STEAP4: variants seen among roughly 807,000 people sequenced by gnomAD.
STEAP4 encodes the protein metalloreductase STEAP4.
In STEAP4, 36 loss-of-function variants were observed where a neutral mutation model predicts 43.6. The ratio of observed to expected loss-of-function variants is 0.83; its 90% CI spans 0.63 to 1.09. STEAP4 has a LOEUF of 1.09. Among genes scored for constraint, STEAP4 ranks in the 50% least tolerant of loss-of-function variants. STEAP4 has a pLI of 0.00. For missense variants in STEAP4, 495 were observed against 546.5 expected (o/e 0.91, Z 0.94); for synonymous variants, 191 against 196.7 (o/e 0.97, Z 0.24).
chr7:88,299,366 T>C (rs1258030366), intron 1 of STEAP4, among the ~76,000 whole-genome samples: 2 of 152,230 alleles, frequency 1.3e-5, no homozygotes, highest in Non-Finnish European at 2.9e-5. Context: ...CCAGGACTCA[T>C]GACAACAAGG....
chr7:88,298,142 A>G (rs1472563637), intron 1 of STEAP4: 1 of 152,078 alleles, frequency 6.6e-6, no homozygotes, highest in Non-Finnish European at 1.5e-5. Flanking sequence ...TAAGTTGGGG[A>G]CAATCTGCCC....
chr7:88,296,157 G>A (rs920457244), intron 1 of STEAP4, among the ~76,000 whole-genome samples: 2 of 152,046 alleles, frequency 1.3e-5, no homozygotes, highest in African/African-American at 4.8e-5. Context: ...ACATCTACTC[G>A]GTACCCCTAA....
intron 1 of STEAP4, among the ~76,000 whole-genome samples, chr7:88,295,637 G>A (rs1481374853): frequency 6.6e-6 from 1 of 152,136 alleles, no homozygotes; most frequent in African/African-American, 2.4e-5. Flanking sequence ...ATCAGCTGAG[G>A]AGCCGTTAAA....
Position 88,277,218 on chromosome 7 carries a change from G to A in STEAP4, c.*2180C>T, listed in dbSNP as rs562286200. On this transcript the variant is annotated 3_prime_UTR_variant, in exon 5 of 5. Transcript: ENST00000380079. ...CTTTTCCACTGATACTGTAGGGTCA[G>A]CACCGTATACCATGACTCTACTCAA... 6 of 152,168 alleles carry A rather than the reference G, an allele frequency of 3.9e-5. No homozygotes were observed. Among genetic ancestry groups the A allele is most frequent in the Non-Finnish European group, 7.3e-5 (5 of 68,042 alleles). The allele number at this position is 152,168 out of a possible 1,614,324, so 9.4% of individuals were successfully genotyped here.
At chr7:88,292,243 A>G (rs889805341) in intron 1 of STEAP4, 1 of 152,002 alleles carries the variant, frequency 6.6e-6, no homozygotes. Flanking sequence ...GATGTTTCCA[A>G]CTAGGCTTCC....
At chr7:88,293,310 G>A (rs1018385139) in intron 1 of STEAP4, among the ~76,000 whole-genome samples, 4 of 151,832 alleles carry the variant, frequency 2.6e-5, no homozygotes, top group Admixed American at 6.6e-5. Flanking sequence ...GACTGTTTGG[G>A]TTTATTTACT....
At chr7:88,294,206 CACCTG>C (rs1165871757) in intron 1 of STEAP4, among the ~76,000 whole-genome samples, 4 of 152,120 alleles carry the variant, frequency 2.6e-5, no homozygotes, top group African/African-American at 9.7e-5. Flanking sequence ...GATAATTCCA[CACCTG>C]ACTTTATGTG....
In STEAP4 at chr7:88,282,911, C is replaced by T. The variant is rs776411319; in HGVS notation, c.714G>A (p.Met238Ile). ...VYEKKDNTFR[M>I]AISIPNRIFP... ...AGATACGATTTGGAATGGAAATAGC[C>T]ATACGAAATGTATTATCTTTCTTTT... Residue 238 changes from methionine to isoleucine, a missense_variant, in exon 3 of 5, where the codon ATG becomes ATA. Met to Ile is a conservative substitution (Grantham distance 10). Coordinates refer to ENST00000380079, the MANE Select transcript of STEAP4 (RefSeq NM_024636.4). The T allele has an allele frequency of 6.2e-6, 10 of 1,614,038 alleles. No homozygotes were observed. The highest frequency in any genetic ancestry group is 1.6e-4 in the Middle Eastern group (1 of 6,084).
At chr7:88,299,789 G>A (rs1173997369) in intron 1 of STEAP4, among the ~76,000 whole-genome samples, 1 of 152,244 alleles carries the variant, frequency 6.6e-6, no homozygotes, top group South Asian at 2.1e-4. Context: ...ATAACTGCCA[G>A]TTAGTTTGGA....
At position 88,272,878 on chromosome 7, in the gene STEAP4, A is replaced by G. The variant is rs1852457858; in HGVS notation, c.*6520T>C. The G allele has an allele frequency of 6.6e-6, 1 of 152,194 alleles. No homozygotes were observed. Among genetic ancestry groups the G allele is most frequent in the Non-Finnish European group, 1.5e-5 (1 of 68,032 alleles). 9.4% of individuals were successfully genotyped at this position (152,194 alleles called of 1,614,324 possible). On this transcript the variant is annotated 3_prime_UTR_variant, in exon 5 of 5. Transcript: ENST00000380079. The stretch of plus-strand genomic sequence containing the variant: ...TAAAACAAAAGATTTCCTGTTGGTG[A>G]TGGTCAATACTCCATCATGAGAAGA...
Position 88,302,951 on chromosome 7 carries a change from C to CAAAA in STEAP4, c.-3+3837_-3+3840dup, listed in dbSNP as rs35493493. 1.4e-3 allele frequency among the ~76,000 whole-genome samples: 70 copies of CAAAA among 51,458 alleles called. 1 individual carries two copies. The highest frequency in any genetic ancestry group is 4.8e-3 in the African/African-American group (61 of 12,830). 33.8% of individuals were successfully genotyped at this position (51,458 alleles called of 152,430 possible). A position where few individuals can be genotyped will look rare whatever the true frequency, so the allele number is the denominator to read the frequency against. On this transcript the variant is annotated intron_variant, in intron 1 of 4. Transcript: ENST00000380079. The stretch of plus-strand genomic sequence containing the variant: ...CCTGAGTGAAGGAGTGAGACTGTCT[C>CAAAA]AAAAAAAAAAAAAAAAAAAAAAAAT...
intron 1 of STEAP4, among the ~76,000 whole-genome samples, chr7:88,305,074 G>A (rs996094404): frequency 6.6e-6 from 1 of 152,112 alleles, no homozygotes; most frequent in Non-Finnish European, 1.5e-5. Context: ...AACAGTTAGC[G>A]AGCTTTAGTA....
Position 88,279,504 on chromosome 7 carries a change from A to G in STEAP4, c.1274T>C (p.Ile425Thr). The G allele has an allele frequency of 6.2e-7, 1 of 1,614,206 alleles. No individual in the cohort carries two copies. Among genetic ancestry groups the G allele is most frequent in the Non-Finnish European group, 8.5e-7 (1 of 1,180,040 alleles). The change falls in exon 5 of 5, where the codon ATC becomes ACC. Residue 425 changes from isoleucine (I) to threonine (T), a missense_variant. Physicochemically the swap from Ile to Thr is moderately conservative, Grantham distance 89 (BLOSUM62 -1). Transcript: ENST00000380079. ...YLPAAYVLGLIIPCTVLVIKF... is the reference protein window; with the variant it reads ...YLPAAYVLGLTIPCTVLVIKF... ...GATCACCAGCACAGTGCAAGGAATG[A>G]TAAGCCCTAACACGTAGGCTGCAGG...
rs1852513799 is a variant in STEAP4 at position 88,276,413 on chromosome 7, A to T, written c.*2985T>A. 6.6e-6 allele frequency: 1 copy of T among 152,230 alleles called. No individual in the cohort carries two copies. Among genetic ancestry groups the T allele is most frequent in the East Asian group, 1.9e-4 (1 of 5,198 alleles). The allele number at this position is 152,230 out of a possible 1,614,324, so 9.4% of individuals were successfully genotyped here. A position where few individuals can be genotyped will look rare whatever the true frequency, so the allele number is the denominator to read the frequency against. Reference sequence around the variant, plus strand: ...ATGCTGATGAGTTAAAACCAGAATTAAACAAAACTAGGAAATATTTTTAAA... The same window carrying T: ...ATGCTGATGAGTTAAAACCAGAATTTAACAAAACTAGGAAATATTTTTAAA... On this transcript the variant is annotated 3_prime_UTR_variant, in exon 5 of 5. Coordinates refer to ENST00000380079, the MANE Select transcript of STEAP4 (RefSeq NM_024636.4).
At position 88,306,852 on chromosome 7, in the gene STEAP4, G is replaced by C. The variant is rs1409577817; in HGVS notation, c.-63C>G. ...GCGCCAACGGTGCGCGCCGCGGGCC[G>C]GGCGGGTAGAGGGAAGTTTCGCCGC... On this transcript the variant is annotated 5_prime_UTR_variant, in exon 1 of 5. Transcript: ENST00000380079. The C allele has an allele frequency of 6.6e-6, 1 of 152,390 alleles. No individual in the cohort carries two copies. The highest frequency in any genetic ancestry group is 1.5e-5 in the Non-Finnish European group (1 of 68,196). 9.4% of individuals were successfully genotyped at this position (152,390 alleles called of 1,614,324 possible). A position where few individuals can be genotyped will look rare whatever the true frequency, so the allele number is the denominator to read the frequency against.
intron 1 of STEAP4, among the ~76,000 whole-genome samples, chr7:88,287,454 T>G (rs1200252050): frequency 6.6e-6 from 1 of 152,090 alleles, no homozygotes; most frequent in East Asian, 1.9e-4. Flanking sequence ...GGGATTGCAA[T>G]GGAGAAGGAG....
At position 88,276,599 on chromosome 7, in the gene STEAP4, G is replaced by A. The variant is rs1191940159; in HGVS notation, c.*2799C>T. ...TTTTTTTTTAAATGTAAAATAGTTT[G>A]GATCTGTTAAAAGGAATACAGTTCG... On this transcript the variant is annotated 3_prime_UTR_variant, in exon 5 of 5. Transcript: ENST00000380079. 1 of 152,312 alleles carries A rather than the reference G, an allele frequency of 6.6e-6. No homozygotes were observed. The highest frequency in any genetic ancestry group is 1.5e-5 in the Non-Finnish European group (1 of 68,008). 9.4% of individuals were successfully genotyped at this position (152,312 alleles called of 1,614,324 possible).
At chr7:88,304,702 C>CA (rs66646552) in intron 1 of STEAP4, among the ~76,000 whole-genome samples, 4,533 of 143,008 alleles carry the variant, frequency 0.032, 149 homozygotes, top group African/African-American at 0.086. Flanking sequence ...TAAGATTTTC[C>CA]AAAAAAAAAA....
At chr7:88,298,585 T>A (rs1852972006) in intron 1 of STEAP4, among the ~76,000 whole-genome samples, 1 of 151,756 alleles carries the variant, frequency 6.6e-6, no homozygotes, top group South Asian at 2.1e-4. Context: ...AGAACCTACA[T>A]CTAATTTCTT....
Sources: gnomAD v4.1 joint callset for allele counts (sites outside exome capture counted in the v4.1 genomes callset) on GRCh38, gnomAD v4.1.1 for gene constraint, MANE v1.5 for transcripts, NCBI Gene and HGNC (gene_info 2026-07-23, HGNC 2026-07-21) for gene names.